Variants in TBC1D5 observed in about 807,000 individuals in gnomAD.
The protein encoded by TBC1D5 is TBC1 domain family member 5, also known as TBC1 domain family, member 5.
In TBC1D5, 75 loss-of-function variants were observed where a neutral mutation model predicts 100.3. The ratio of observed to expected loss-of-function variants is 0.75; its 90% confidence interval spans 0.62 to 0.91. The LOEUF (loss-of-function observed/expected upper bound fraction) is 0.91, where lower values mean the gene tolerates loss of function less well. Ranked by LOEUF, TBC1D5 falls within the 40% of genes least tolerant of loss-of-function variation. The pLI is 0.00. For missense variants in TBC1D5, 910 were observed against 942.4 expected, an observed-to-expected ratio of 0.97 and a Z score of 0.45; for synonymous variants, 323 against 325.6, an observed-to-expected ratio of 0.99 and a Z score of 0.09.
chr3:17,552,594 T>C (rs949480852), intron 2 of TBC1D5, among the ~76,000 whole-genome samples: 3 of 152,158 alleles, frequency 2.0e-5, no homozygotes, highest in African/African-American at 4.8e-5. Flanking sequence ...CACTAGTCTC[T>C]GACCAAATAG....
intron 2 of TBC1D5, among the ~76,000 whole-genome samples, chr3:17,533,000 A>AAT (rs1464757512): frequency 2.0e-5 from 3 of 151,698 alleles, no homozygotes; most frequent in African/African-American, 7.3e-5. Flanking sequence ...ATTAAAAAAA[A>AAT]AAAATTTGAT....
chr3:17,672,270 C>CT (rs1432030411), intron 1 of TBC1D5, among the ~76,000 whole-genome samples: 3 of 152,102 alleles, frequency 2.0e-5, no homozygotes, highest in Admixed American at 2.0e-4. Context: ...AAGAATGCAA[C>CT]TTACATTATA....
intron 1 of TBC1D5, among the ~76,000 whole-genome samples, chr3:17,653,824 G>A (rs2065808851): frequency 1.3e-5 from 2 of 152,078 alleles, no homozygotes; most frequent in South Asian, 2.1e-4. Flanking sequence ...AGGAAAGTAA[G>A]AAGGAAAGAA....
At chr3:17,603,782 G>A (rs2061158572) in intron 2 of TBC1D5, among the ~76,000 whole-genome samples, 1 of 151,938 alleles carries the variant, frequency 6.6e-6, no homozygotes, top group East Asian at 1.9e-4. Flanking sequence ...CGAGTAGCTG[G>A]GATTACAGGC....
At chr3:17,232,404 T>G (rs958198039) in intron 17 of TBC1D5, among the ~76,000 whole-genome samples, 7 of 152,204 alleles carry the variant, frequency 4.6e-5, no homozygotes, top group Non-Finnish European at 7.3e-5. Context: ...CAAATTTAAG[T>G]CTTGTAAATT....
chr3:17,231,191 T>C (rs2075388350), intron 17 of TBC1D5, among the ~76,000 whole-genome samples: 1 of 152,166 alleles, frequency 6.6e-6, no homozygotes, highest in South Asian at 2.1e-4. Flanking sequence ...CTTTTTGATT[T>C]GTGAATAAAT....
chr3:17,599,345 AGAG>A (rs1209133714), intron 2 of TBC1D5, among the ~76,000 whole-genome samples: 147 of 152,304 alleles, frequency 9.7e-4, no homozygotes, highest in African/African-American at 3.4e-3. Context: ...GAGGCGCAGC[AGAG>A]GAGGAGAGAA....
At chr3:17,309,216 G>A (rs935077225) in intron 13 of TBC1D5, among the ~76,000 whole-genome samples, 7 of 151,846 alleles carry the variant, frequency 4.6e-5, no homozygotes, top group African/African-American at 1.7e-4. Context: ...ATTTTCCTTA[G>A]AGAGCAATAT....
chr3:17,461,464 T>G (rs2095208378), intron 3 of TBC1D5, among the ~76,000 whole-genome samples: 1 of 152,218 alleles, frequency 6.6e-6, no homozygotes, highest in Non-Finnish European at 1.5e-5. Context: ...TTACTTTTCA[T>G]TTGCAAAGCC....
intron 3 of TBC1D5, among the ~76,000 whole-genome samples, chr3:17,455,992 C>G (rs1022437135): frequency 1.3e-5 from 2 of 152,060 alleles, no homozygotes; most frequent in Admixed American, 6.5e-5. Context: ...GAAACAAACC[C>G]ACCCTCCTAC....
intron 1 of TBC1D5, among the ~76,000 whole-genome samples, chr3:17,638,440 C>T (rs73167510): frequency 0.05 from 7,628 of 152,018 alleles, 609 homozygotes; most frequent in African/African-American, 0.17. Context: ...TTGTGACTGG[C>T]TTCTGAGTCT....
chr3:17,309,081 T>C (rs938161853), intron 13 of TBC1D5, among the ~76,000 whole-genome samples: 1 of 152,024 alleles, frequency 6.6e-6, no homozygotes, highest in Non-Finnish European at 1.5e-5. Context: ...AAATTCCAAA[T>C]TTTTAGCACC....
chr3:17,258,595 A>T lies in TBC1D5; in HGVS notation c.1246-4T>A, dbSNP rs886316227. 2 of 1,608,320 alleles carry T rather than the reference A, an allele frequency of 1.2e-6. No individual in the cohort carries two copies. The highest frequency in any genetic ancestry group is 2.7e-5 in the African/African-American group (2 of 74,564). Reference sequence around the variant, plus strand: ...AAGTCACTGGTCTTGGATTTCTCTAAAAAAAAATACATTTTTAAAAAGCTA... The same window carrying T: ...AAGTCACTGGTCTTGGATTTCTCTATAAAAAAATACATTTTTAAAAAGCTA... On this transcript the variant is annotated splice_region_variant and splice_polypyrimidine_tract_variant and intron_variant, in intron 15 of 21. Coordinates refer to ENST00000253692, the Ensembl canonical transcript of TBC1D5.
At chr3:17,731,073 C>T (rs760970129) in intron 1 of TBC1D5, among the ~76,000 whole-genome samples, 1 of 151,992 alleles carries the variant, frequency 6.6e-6, no homozygotes, top group Non-Finnish European at 1.5e-5. Flanking sequence ...TAAGACCTTA[C>T]AAAAGTGAGT....
At chr3:17,331,062 G>A (rs750578047) in intron 13 of TBC1D5, among the ~76,000 whole-genome samples, 3 of 152,132 alleles carry the variant, frequency 2.0e-5, no homozygotes, top group Middle Eastern at 3.4e-3. Context: ...CCTCTCTTCA[G>A]TCTCCTCTTC....
At chr3:17,290,664 T>A (rs1360265961) in intron 15 of TBC1D5, among the ~76,000 whole-genome samples, 5 of 152,292 alleles carry the variant, frequency 3.3e-5, no homozygotes, top group African/African-American at 9.6e-5. Flanking sequence ...CTTGTGGGGT[T>A]TTTTTGGGGG....
intron 4 of TBC1D5, among the ~76,000 whole-genome samples, chr3:17,408,470 C>A (rs576817350): frequency 2.0e-5 from 3 of 152,024 alleles, no homozygotes; most frequent in African/African-American, 7.2e-5. Context: ...ACCACAGGCA[C>A]ACACCATCAC....
intron 1 of TBC1D5, among the ~76,000 whole-genome samples, chr3:17,710,203 A>G (rs1170738893): frequency 6.6e-6 from 1 of 152,208 alleles, no homozygotes; most frequent in Non-Finnish European, 1.5e-5. Context: ...GTACAGATAT[A>G]GTGGGGCCTG....
rs1429347636 is a variant in TBC1D5 at position 17,460,198 on chromosome 3, C to T, written c.98-31679G>A. ...GTGGAGAATTAGATATTCATAAGAA[C>T]CTAACCGATATGATCTTTACATGTA... is the stretch of plus-strand genomic sequence containing the variant. On this transcript the variant is annotated intron_variant, in intron 3 of 21. Coordinates refer to ENST00000253692, the Ensembl canonical transcript of TBC1D5. Among the ~76,000 whole-genome samples, 4 of 152,152 alleles carry T rather than the reference C, an allele frequency of 2.6e-5. No homozygotes were observed. In the South Asian group the frequency reaches 6.2e-4, roughly 24 times the overall value.
Sources: allele counts gnomAD v4.1 joint callset (sites outside exome capture counted in the v4.1 genomes callset), GRCh38; gene constraint gnomAD v4.1.1; transcripts MANE v1.5; gene names NCBI Gene and HGNC (gene_info 2026-07-23, HGNC 2026-07-21).